FBXW4: variants seen among roughly 807,000 people sequenced by gnomAD.
FBXW4 encodes F-box and WD repeat domain containing 4.
FBXW4 carries 40 observed loss-of-function variants against 61.8 expected under a neutral mutation model. The ratio of observed to expected loss-of-function variants is 0.65; its 90% confidence interval spans 0.50 to 0.84. The LOEUF (loss-of-function observed/expected upper bound fraction) is 0.84, where lower values mean the gene tolerates loss of function less well. FBXW4 is among the 40% of genes least tolerant of loss of function. The pLI is 0.00. For synonymous variants in FBXW4, 311 were observed against 313.8 expected (o/e 0.99, Z 0.10); for missense variants, 672 against 753.8 (o/e 0.89, Z 1.27).
intron 5 of FBXW4, among the ~76,000 whole-genome samples, chr10:101,655,246 A>G (rs567567847): frequency 2.0e-5 from 3 of 152,322 alleles, no homozygotes; most frequent in African/African-American, 7.2e-5. Flanking sequence ...TTCATGTTTT[A>G]ATTTTGATAC....
At chr10:101,612,301 C>A in intron 7 of FBXW4, 36 bp downstream of exon 7, 2 of 1,496,952 alleles carry the variant, frequency 1.3e-6, no homozygotes, top group South Asian at 1.4e-5. Flanking sequence ...TGGTGCAGGG[C>A]CCCCACCACC....
At chr10:101,665,472 G>A (rs965426507) in intron 5 of FBXW4, among the ~76,000 whole-genome samples, 1 of 152,140 alleles carries the variant, frequency 6.6e-6, no homozygotes, top group African/African-American at 2.4e-5. Flanking sequence ...AGGACAGGAA[G>A]ACCCTGAAGA....
intron 5 of FBXW4, chr10:101,627,979 G>A: frequency 1.0e-6 from 1 of 985,408 alleles, no homozygotes; most frequent in Non-Finnish European, 1.2e-6. Context: ...GCTGTGCTCT[G>A]ATAACCTGTT....
chr10:101,618,045 C>T (rs1329607311), intron 6 of FBXW4, among the ~76,000 whole-genome samples: 1 of 152,348 alleles, frequency 6.6e-6, no homozygotes, highest in African/African-American at 2.4e-5. Flanking sequence ...CACACCTGGG[C>T]AGGATGGGCA....
chr10:101,670,942 C>G (rs543553020), intron 4 of FBXW4, among the ~76,000 whole-genome samples: 38 of 152,098 alleles, frequency 2.5e-4, no homozygotes, highest in African/African-American at 8.4e-4. Context: ...CTTCCCTTTA[C>G]CCCATAAAAT....
intron 1 of FBXW4, among the ~76,000 whole-genome samples, chr10:101,687,901 C>T (rs562661950): frequency 6.6e-6 from 1 of 152,282 alleles, no homozygotes; most frequent in South Asian, 2.1e-4. Flanking sequence ...CTGAGACCAC[C>T]AACAAAGAAG....
chr10:101,692,297 A>T (rs2064614040), intron 1 of FBXW4, among the ~76,000 whole-genome samples: 1 of 150,686 alleles, frequency 6.6e-6, no homozygotes, highest in Non-Finnish European at 1.5e-5. Context: ...ATGTGTATAT[A>T]CATGTGTATA....
chr10:101,620,216 A>G (rs1368129088), intron 6 of FBXW4, among the ~76,000 whole-genome samples: 1 of 152,190 alleles, frequency 6.6e-6, no homozygotes, highest in Non-Finnish European at 1.5e-5. Context: ...CACCTCTCGG[A>G]TTGGCCTGTC....
chr10:101,640,037 A>G (rs1385037349), intron 5 of FBXW4, among the ~76,000 whole-genome samples: 1 of 152,252 alleles, frequency 6.6e-6, no homozygotes, highest in African/African-American at 2.4e-5. Context: ...TCACTGAGAG[A>G]TGAGCAAAGG....
intron 5 of FBXW4, chr10:101,626,919 G>C (rs1176505437): frequency 6.6e-6 from 1 of 152,334 alleles, no homozygotes; most frequent in East Asian, 1.9e-4. Context: ...CAGGGATGAG[G>C]GTGGTGTGGG....
rs11286397 is a variant in FBXW4, at chr10:101,631,629, C to CT, written c.1236-6820dup. On this transcript the variant is annotated intron_variant, in intron 5 of 8. Transcript: ENST00000331272. ...TTTAAAGGGAAAAACACATTATTTA[C>CT]TTTTTTTTTTTTTTTTGAGACAGAG... 3.4e-3 allele frequency among the ~76,000 whole-genome samples: 478 copies of CT among 138,832 alleles called. 2 individuals are homozygous for CT. Among genetic ancestry groups the CT allele is most frequent in the East Asian group, 0.024 (115 of 4,856 alleles). The allele number at this position is 138,832 out of a possible 152,430, so 91.1% of individuals were successfully genotyped here.
intron 1 of FBXW4, among the ~76,000 whole-genome samples, chr10:101,691,034 T>C (rs1370880087): frequency 6.6e-6 from 1 of 152,186 alleles, no homozygotes; most frequent in Non-Finnish European, 1.5e-5. Context: ...GGCAAGGTTA[T>C]TCCCATTCTT....
chr10:101,613,393 GA>G (rs765500045), intron 6 of FBXW4, among the ~76,000 whole-genome samples: 8 of 152,212 alleles, frequency 5.3e-5, no homozygotes, highest in Non-Finnish European at 5.9e-5. Flanking sequence ...GGAAATGAAG[GA>G]AAAGGGGCGC....
chr10:101,690,903 T>C (rs1323075827), intron 1 of FBXW4, among the ~76,000 whole-genome samples: 1 of 152,206 alleles, frequency 6.6e-6, no homozygotes, highest in Non-Finnish European at 1.5e-5. Context: ...TTTTGCTATA[T>C]ACAGACTAAC....
intron 5 of FBXW4, among the ~76,000 whole-genome samples, chr10:101,640,074 T>C (rs767503924): frequency 2.0e-5 from 3 of 152,366 alleles, no homozygotes; most frequent in African/African-American, 4.8e-5. Context: ...ACTGGACACC[T>C]TGGGGCCTAA....
intron 1 of FBXW4, among the ~76,000 whole-genome samples, chr10:101,685,633 G>T (rs1279990229): frequency 2.0e-5 from 3 of 152,194 alleles, no homozygotes; most frequent in Non-Finnish European, 4.4e-5. Flanking sequence ...TAACACACCA[G>T]AGGGTGAACA....
intron 5 of FBXW4, among the ~76,000 whole-genome samples, chr10:101,641,107 A>C (rs1013451407): frequency 6.6e-6 from 1 of 152,206 alleles, no homozygotes; most frequent in Non-Finnish European, 1.5e-5. Context: ...CTGGGATTAC[A>C]GGCATGAGCC....
intron 5 of FBXW4, among the ~76,000 whole-genome samples, chr10:101,644,997 T>A (rs1050106619): frequency 6.6e-6 from 1 of 152,162 alleles, no homozygotes; most frequent in African/African-American, 2.4e-5. Flanking sequence ...CAGGTCACAC[T>A]TTTTGCCTGT....
At chr10:101,665,453 G>A (rs1196042018) in intron 5 of FBXW4, among the ~76,000 whole-genome samples, 1 of 152,066 alleles carries the variant, frequency 6.6e-6, no homozygotes, top group Non-Finnish European at 1.5e-5. Flanking sequence ...TCATCCCAGG[G>A]CCAAGAAGAG....
Sources: allele counts gnomAD v4.1 joint callset (sites outside exome capture counted in the v4.1 genomes callset), GRCh38; gene constraint gnomAD v4.1.1; transcripts MANE v1.5; gene names NCBI Gene and HGNC (gene_info 2026-07-23, HGNC 2026-07-21).